WDPCP: variants seen among roughly 807,000 people sequenced by gnomAD.
WDPCP encodes WD repeat-containing and planar cell polarity effector protein fritz homolog.
A neutral mutation model predicts 93.1 loss-of-function variants in WDPCP; 71 were observed. The ratio of observed to expected loss-of-function variants is 0.76; its 90% CI spans 0.63 to 0.93. The LOEUF is 0.93. Ranked by LOEUF, WDPCP falls within the 40% of genes least tolerant of loss-of-function variation. The pLI is 0.00. For synonymous variants in WDPCP, 315 were observed against 315.0 expected (o/e 1.00, Z 0.00); for missense variants, 844 against 887.4 (o/e 0.95, Z 0.62).
intron 1 of WDPCP, among the ~76,000 whole-genome samples, chr2:63,513,599 C>A (rs559277543): frequency 4.2e-4 from 64 of 152,266 alleles, no homozygotes; most frequent in African/African-American, 1.5e-3. Flanking sequence ...AACTCCTCTG[C>A]CTCAAAGCAA....
At chr2:63,601,410 T>C (rs963695644) in intron 3 of WDPCP, among the ~76,000 whole-genome samples, 3 of 152,224 alleles carry the variant, frequency 2.0e-5, no homozygotes, top group African/African-American at 7.2e-5. Context: ...GCTGATAAGG[T>C]AATTTGACAT....
intron 15 of WDPCP, among the ~76,000 whole-genome samples, chr2:63,157,651 A>G (rs1036211123): frequency 6.6e-6 from 1 of 152,112 alleles, no homozygotes. Context: ...CATTCAAACT[A>G]TGTTGTTAAA....
chr2:63,750,691 G>T (rs1189494126), intron 2 of WDPCP, among the ~76,000 whole-genome samples: 2 of 152,026 alleles, frequency 1.3e-5, no homozygotes, highest in African/African-American at 4.8e-5. Context: ...TCTTATAATT[G>T]GGTGATGGAT....
intron 1 of WDPCP, among the ~76,000 whole-genome samples, chr2:63,821,726 A>C (rs1309226700): frequency 2.0e-5 from 3 of 152,130 alleles, no homozygotes; most frequent in Non-Finnish European, 4.4e-5. Flanking sequence ...ATTAGTCTCA[A>C]ATTCTATTTT....
intron 2 of WDPCP, among the ~76,000 whole-genome samples, chr2:63,681,897 G>A (rs1668703571): frequency 6.6e-6 from 1 of 152,164 alleles, no homozygotes; most frequent in African/African-American, 2.4e-5. Flanking sequence ...TCGCTGCCTG[G>A]TTATCCAGAG....
intron 13 of WDPCP, among the ~76,000 whole-genome samples, chr2:63,281,572 C>T (rs906006841): frequency 3.3e-5 from 5 of 152,136 alleles, no homozygotes; most frequent in African/African-American, 1.2e-4. Context: ...AAATATGGAA[C>T]CAGTCCAAAT....
At chr2:63,347,733 C>CCCCCCCG (rs1689293977) in intron 12 of WDPCP, among the ~76,000 whole-genome samples, 1 of 149,564 alleles carries the variant, frequency 6.7e-6, no homozygotes, top group African/African-American at 2.5e-5. Context: ...GGAAATTGCC[C>CCCCCCCG]CCCCCGCCCC....
the WDPCP span, among the ~76,000 whole-genome samples, chr2:63,836,169 T>C: frequency 6.6e-6 from 1 of 152,214 alleles, no homozygotes; most frequent in Non-Finnish European, 1.5e-5. Context: ...ATCTTCTCTT[T>C]AATATTTCGT....
chr2:63,510,999 C>T (rs1702198093), intron 1 of WDPCP, among the ~76,000 whole-genome samples: 1 of 152,084 alleles, frequency 6.6e-6, no homozygotes, highest in East Asian at 1.9e-4. Flanking sequence ...ATAAATAAAA[C>T]CCCATCATCT....
chr2:63,785,230 T>C lies in WDPCP; in HGVS notation n.308+28392A>G, dbSNP rs111247966. Among the ~76,000 whole-genome samples, 1,477 of 152,284 alleles carry C rather than the reference T, an allele frequency of 9.7e-3. 5 individuals carry two copies. The highest frequency in any genetic ancestry group is 0.015 in the Non-Finnish European group (1,048 of 68,016). On this transcript the variant is annotated intron_variant and non_coding_transcript_variant, in intron 2 of 4. Coordinates refer to the WDPCP transcript ENST00000467687. Reference sequence around the variant, plus strand: ...AGGCAGAGAGGAGAGAAAATGTCTTTTTTGTTCCCAGGTTCTTTTCACACC... The same window carrying C: ...AGGCAGAGAGGAGAGAAAATGTCTTCTTTGTTCCCAGGTTCTTTTCACACC...
intron 17 of WDPCP, among the ~76,000 whole-genome samples, chr2:63,149,761 A>G (rs922660426): frequency 3.3e-5 from 5 of 152,220 alleles, no homozygotes; most frequent in South Asian, 2.1e-4. Context: ...CCACTTATAT[A>G]AAGTTCAGAA....
intron 9 of WDPCP, among the ~76,000 whole-genome samples, chr2:63,419,000 CTG>C (rs1208383318): frequency 6.6e-6 from 1 of 152,050 alleles, no homozygotes; most frequent in Admixed American, 6.6e-5. Context: ...TTAAAGAAAA[CTG>C]TGTGGTAAAG....
At chr2:63,138,933 T>G (rs1485585320) in intron 17 of WDPCP, among the ~76,000 whole-genome samples, 1 of 152,100 alleles carries the variant, frequency 6.6e-6, no homozygotes, top group East Asian at 1.9e-4. Context: ...CTCCTACATA[T>G]CAGTGAGAAC....
At chr2:63,705,732 T>C (rs950180177) in intron 2 of WDPCP, among the ~76,000 whole-genome samples, 1 of 146,738 alleles carries the variant, frequency 6.8e-6, no homozygotes, top group Non-Finnish European at 1.5e-5. Flanking sequence ...TGGTCAATTT[T>C]GGAATAAGTG....
chr2:63,255,386 T>A (rs1436363130), intron 14 of WDPCP, among the ~76,000 whole-genome samples: 4 of 152,162 alleles, frequency 2.6e-5, no homozygotes, highest in Non-Finnish European at 5.9e-5. Context: ...ACTCTCATAT[T>A]GAAATGTAAT....
intron 2 of WDPCP, among the ~76,000 whole-genome samples, chr2:63,491,160 T>C (rs1700850670): frequency 1.3e-5 from 2 of 152,218 alleles, no homozygotes; most frequent in Non-Finnish European, 2.9e-5. Flanking sequence ...CTTCTGTTTT[T>C]GTTTCTTGCT....
At chr2:63,127,252 G>A (rs536859219) in intron 17 of WDPCP, among the ~76,000 whole-genome samples, 1 of 151,286 alleles carries the variant, frequency 6.6e-6, no homozygotes, top group South Asian at 2.1e-4. Flanking sequence ...CTCCCGAGTA[G>A]CTGAGACTAC....
rs542488725 is a variant in WDPCP, at chr2:63,713,903, G to A, written n.309-63065C>T. ...TGGCAAAAACTTAAGTGGGCTTTGCGGCTAATTTGAGATTCCTTCCCCTGA... is the reference window on the plus strand; with the variant it reads ...TGGCAAAAACTTAAGTGGGCTTTGCAGCTAATTTGAGATTCCTTCCCCTGA... On this transcript the variant is annotated intron_variant and non_coding_transcript_variant, in intron 2 of 4. Transcript: ENST00000467687. Among the ~76,000 whole-genome samples the A allele has an allele frequency of 5.0e-4, 76 of 152,246 alleles. No individual in the cohort carries two copies. In the Middle Eastern group the frequency reaches 0.01, roughly 20 times the overall value.
intron 8 of WDPCP, among the ~76,000 whole-genome samples, chr2:63,434,639 G>GTT (rs1205055721): frequency 6.6e-6 from 1 of 152,068 alleles, no homozygotes; most frequent in Non-Finnish European, 1.5e-5. Flanking sequence ...TTAATGGAAG[G>GTT]TTGATAGCTT....
Sources: gnomAD v4.1 joint callset for allele counts (sites outside exome capture counted in the v4.1 genomes callset) on GRCh38, gnomAD v4.1.1 for gene constraint, MANE v1.5 for transcripts, NCBI Gene and HGNC (gene_info 2026-07-23, HGNC 2026-07-21) for gene names.